CADM2: variants seen among roughly 807,000 people sequenced by gnomAD.
The protein encoded by CADM2 is cell adhesion molecule 2.
Under a neutral mutation model 49.8 loss-of-function variants are expected in CADM2, and 12 were observed. The observed-to-expected ratio is 0.24, with a 90% CI of 0.15 to 0.39. CADM2 has a LOEUF of 0.39. CADM2 is among the 10% of genes least tolerant of loss of function. CADM2 has a pLI of 1.00. For synonymous variants in CADM2, 214 were observed against 175.4 expected, an observed-to-expected ratio of 1.22 and a Z score of -1.74; for missense variants, 378 against 492.3, an observed-to-expected ratio of 0.77 and a Z score of 2.20.
At chr3:85,566,501 A>C (rs551644594) in intron 1 of CADM2, among the ~76,000 whole-genome samples, 2 of 152,280 alleles carry the variant, frequency 1.3e-5, no homozygotes, top group South Asian at 4.1e-4. Flanking sequence ...CTTTTACCCA[A>C]GGCAATGATC....
At chr3:85,415,962 C>G (rs1179254157) in intron 1 of CADM2, among the ~76,000 whole-genome samples, 1 of 152,008 alleles carries the variant, frequency 6.6e-6, no homozygotes, top group Non-Finnish European at 1.5e-5. Flanking sequence ...GATTAAGCAA[C>G]ATCATAGTAA....
intron 1 of CADM2, among the ~76,000 whole-genome samples, chr3:85,199,390 A>AGAGAGAGAGAGAGAGAGAGG (rs1576100575): frequency 6.7e-6 from 1 of 150,182 alleles, no homozygotes; most frequent in Admixed American, 6.7e-5. Flanking sequence ...AGAGAGAGAG[A>AGAGAGAGAGAGAGAGAGAGG]AGCCCAAATA....
At chr3:85,215,125 G>C (rs1002831093) in intron 1 of CADM2, among the ~76,000 whole-genome samples, 1 of 152,000 alleles carries the variant, frequency 6.6e-6, no homozygotes. Context: ...AGTAATGCCT[G>C]GGCAACACTG....
chr3:85,445,972 T>C (rs1024733175), intron 1 of CADM2, among the ~76,000 whole-genome samples: 1 of 152,176 alleles, frequency 6.6e-6, no homozygotes, highest in African/African-American at 2.4e-5. Flanking sequence ...ATGAAGCTTC[T>C]ACAAATATTT....
intron 1 of CADM2, among the ~76,000 whole-genome samples, chr3:84,986,840 T>C (rs1575977222): frequency 6.6e-6 from 1 of 151,072 alleles, no homozygotes; most frequent in South Asian, 2.1e-4. Flanking sequence ...TCACCTGAGG[T>C]TGGGAGTTCA....
chr3:85,464,348 T>G (rs1256436480), intron 1 of CADM2, among the ~76,000 whole-genome samples: 1 of 152,190 alleles, frequency 6.6e-6, no homozygotes, highest in African/African-American at 2.4e-5. Flanking sequence ...CTTAGAGACA[T>G]TTAATGAAAA....
At position 85,310,946 on chromosome 3, in the gene CADM2, G is replaced by C. The variant is rs146500965; in HGVS notation, c.61+351278G>C. Among the ~76,000 whole-genome samples, 12 of 152,304 alleles carry C rather than the reference G, an allele frequency of 7.9e-5. No homozygotes were observed. In the East Asian group the frequency reaches 2.3e-3, roughly 29 times the overall value. ...GGAGTGTGGTGAGTCTATGGGAAAA[G>C]TGAGTGGTTCTAAACTATGCTAGAG... On this transcript the variant is annotated intron_variant, in intron 1 of 9. Transcript: ENST00000383699.
At chr3:85,207,130 T>C (rs1227260980) in intron 1 of CADM2, among the ~76,000 whole-genome samples, 2 of 151,850 alleles carry the variant, frequency 1.3e-5, no homozygotes, top group African/African-American at 4.8e-5. Context: ...AAATTTAGAG[T>C]TTGTTCATCA....
At chr3:85,834,176 C>T (rs1289144169) in intron 3 of CADM2, among the ~76,000 whole-genome samples, 5 of 151,642 alleles carry the variant, frequency 3.3e-5, no homozygotes, top group Non-Finnish European at 5.9e-5. Flanking sequence ...CTACTATTAA[C>T]TCACTTTTTA....
chr3:85,603,254 C>G (rs2063460644), intron 1 of CADM2, among the ~76,000 whole-genome samples: 1 of 151,844 alleles, frequency 6.6e-6, no homozygotes, highest in Non-Finnish European at 1.5e-5. Context: ...GACTCTCTTT[C>G]CAGGCTGCAT....
intron 1 of CADM2, among the ~76,000 whole-genome samples, chr3:85,581,626 T>C (rs1339465117): frequency 1.3e-5 from 2 of 152,150 alleles, no homozygotes; most frequent in Non-Finnish European, 2.9e-5. Context: ...GGCATTTAAA[T>C]TGAACCCTGT....
At chr3:85,734,299 G>A (rs1384799084) in intron 2 of CADM2, among the ~76,000 whole-genome samples, 1 of 151,880 alleles carries the variant, frequency 6.6e-6, no homozygotes, top group East Asian at 1.9e-4. Context: ...CTTTGCTCAT[G>A]GTCAGGAAAT....
intron 1 of CADM2, among the ~76,000 whole-genome samples, chr3:84,995,036 T>A (rs377749495): frequency 8.6e-5 from 13 of 152,008 alleles, no homozygotes; most frequent in African/African-American, 2.9e-4. Context: ...TCTCAAAAAA[T>A]AAATAAATAA....
chr3:85,703,963 C>T (rs891077452), intron 1 of CADM2, among the ~76,000 whole-genome samples: 2 of 152,130 alleles, frequency 1.3e-5, no homozygotes, highest in African/African-American at 4.8e-5. Context: ...TTCTGCTGGC[C>T]AGTCTTGCTC....
intron 1 of CADM2, among the ~76,000 whole-genome samples, chr3:85,559,915 A>G (rs1449377): frequency 0.082 from 12,421 of 152,114 alleles, 982 homozygotes; most frequent in African/African-American, 0.19. Flanking sequence ...TCTCAGAGAA[A>G]TGTTGCTCTA....
chr3:85,808,080 G>A (rs1281969069), intron 3 of CADM2, among the ~76,000 whole-genome samples: 2 of 152,096 alleles, frequency 1.3e-5, no homozygotes, highest in Non-Finnish European at 2.9e-5. Context: ...TGCCTTGTGT[G>A]CACCCAAAAA....
intron 1 of CADM2, among the ~76,000 whole-genome samples, chr3:85,234,683 G>A (rs555451698): frequency 1.8e-3 from 281 of 152,208 alleles, no homozygotes; most frequent in South Asian, 3.7e-3. Flanking sequence ...CAGTGATGAT[G>A]ATTCATATTA....
chr3:85,639,985 T>C (rs1007991815), intron 1 of CADM2, among the ~76,000 whole-genome samples: 13 of 152,204 alleles, frequency 8.5e-5, no homozygotes, highest in Non-Finnish European at 1.3e-4. Flanking sequence ...TTATCAGTTT[T>C]ATTTATTACC....
At chr3:85,951,820 TAAAG>T (rs1559762430) in intron 7 of CADM2, among the ~76,000 whole-genome samples, 1 of 150,958 alleles carries the variant, frequency 6.6e-6, no homozygotes, top group Non-Finnish European at 1.5e-5. Flanking sequence ...GATGTTGTGC[TAAAG>T]GCACAGAGAA....
Sources: allele counts gnomAD v4.1 joint callset (sites outside exome capture counted in the v4.1 genomes callset), GRCh38; gene constraint gnomAD v4.1.1; transcripts MANE v1.5; gene names NCBI Gene and HGNC (gene_info 2026-07-23, HGNC 2026-07-21).